The following SEMA3D variants were observed in gnomAD, a reference collection of about 807,000 sequenced individuals.
SEMA3D encodes the protein semaphorin 3D.
Under a neutral mutation model 100.1 loss-of-function variants are expected in SEMA3D, and 84 were observed. The observed-to-expected ratio is 0.84, with a 90% confidence interval of 0.70 to 1.01. The LOEUF (loss-of-function observed/expected upper bound fraction) is 1.01, where lower values mean the gene tolerates loss of function less well. Among genes scored for constraint, SEMA3D ranks in the 50% least tolerant of loss-of-function variants. The pLI is 0.00. For missense variants in SEMA3D, 875 were observed against 934.1 expected (o/e 0.94, Z 0.82); for synonymous variants, 312 against 320.7 (o/e 0.97, Z 0.29).
intron 1 of SEMA3D, among the ~76,000 whole-genome samples, chr7:85,178,354 A>C (rs1326308484): frequency 6.6e-6 from 1 of 152,216 alleles, no homozygotes; most frequent in African/African-American, 2.4e-5. Context: ...AAGATGTGAG[A>C]AAGTCTGAAA....
chr7:85,054,919 G>T (rs1187288361), intron 9 of SEMA3D, among the ~76,000 whole-genome samples: 2 of 152,016 alleles, frequency 1.3e-5, no homozygotes, highest in Non-Finnish European at 2.9e-5. Flanking sequence ...ATTCCATAAA[G>T]CTTGTATTCA....
chr7:85,131,337 G>T (rs1021603200), intron 2 of SEMA3D, among the ~76,000 whole-genome samples: 1 of 151,992 alleles, frequency 6.6e-6, no homozygotes, highest in Non-Finnish European at 1.5e-5. Flanking sequence ...AGTTTAAACG[G>T]GGAGAATGAA....
At position 85,098,034 on chromosome 7, in the gene SEMA3D, G is replaced by A. The variant is rs184522153; in HGVS notation, c.152-69C>T. The stretch of plus-strand genomic sequence containing the variant: ...AAGAAAGAAAGAGAAAGAAAGGAGA[G>A]AAAGAAGAAAGAAAAAGAAAGGAAA... On this transcript the variant is annotated intron_variant, in intron 3 of 18. Transcript: ENST00000284136. 2.6e-3 allele frequency: 1,971 copies of A among 761,434 alleles called. 6 individuals carry two copies. The highest frequency in any genetic ancestry group is 6.9e-3 in the Middle Eastern group (18 of 2,616). 47.2% of individuals were successfully genotyped at this position (761,434 alleles called of 1,614,324 possible).
chr7:85,131,468 G>A (rs1048132744), intron 2 of SEMA3D, among the ~76,000 whole-genome samples: 3 of 151,842 alleles, frequency 2.0e-5, no homozygotes, highest in Non-Finnish European at 4.4e-5. Flanking sequence ...CTAAATACCC[G>A]ATCAACAATA....
chr7:85,171,337 G>T (rs1323629449), intron 1 of SEMA3D, among the ~76,000 whole-genome samples: 1 of 152,000 alleles, frequency 6.6e-6, no homozygotes, highest in Non-Finnish European at 1.5e-5. Flanking sequence ...AAAGTCTATA[G>T]AGAGAAAAAG....
At chr7:85,066,521 G>A (rs766539844) in intron 7 of SEMA3D, among the ~76,000 whole-genome samples, 8 of 151,918 alleles carry the variant, frequency 5.3e-5, no homozygotes, top group Admixed American at 3.3e-4. Context: ...GGGGTGGGGC[G>A]GAGGGGCAGG....
chr7:85,003,171 G>T (rs143974010), intron 18 of SEMA3D, among the ~76,000 whole-genome samples: 211 of 152,100 alleles, frequency 1.4e-3, no homozygotes, highest in African/African-American at 4.8e-3. Flanking sequence ...AAAATGAACT[G>T]GAATGGAATC....
upstream of SEMA3D, among the ~76,000 whole-genome samples, chr7:85,187,537 C>A (rs2116596712): frequency 6.6e-6 from 1 of 152,278 alleles, no homozygotes; most frequent in East Asian, 1.9e-4. Flanking sequence ...CGATTAAGAC[C>A]AAACAGGGAG....
At chr7:85,154,847 C>A (rs1427814491) in intron 1 of SEMA3D, among the ~76,000 whole-genome samples, 1 of 151,998 alleles carries the variant, frequency 6.6e-6, no homozygotes, top group Non-Finnish European at 1.5e-5. Context: ...AAGAGTAAAA[C>A]CTTTTTACAA....
chr7:85,018,172 T>C (rs1156337421), intron 15 of SEMA3D, 80 bp downstream of exon 15: 2 of 869,860 alleles, frequency 2.3e-6, no homozygotes, highest in East Asian at 2.5e-5. Flanking sequence ...CCAATTTCAA[T>C]GGATTTTTTT....
chr7:85,240,694 T>C, the SEMA3D span, among the ~76,000 whole-genome samples: 3,959 of 152,284 alleles, frequency 0.026, 184 homozygotes, highest in African/African-American at 0.091. Flanking sequence ...TTAATATCTA[T>C]ATCTTCTTAT....
In SEMA3D at chr7:85,036,971, T is replaced by C. The variant is rs988907233; in HGVS notation, c.1109A>G (p.Asn370Ser). Reference sequence around the variant, plus strand: ...ACTTTCCTTATGAGCATATGGACCATTAAAAACTGCTCTGATGTCAGCCAT... The same window carrying C: ...ACTTTCCTTATGAGCATATGGACCACTAAAAACTGCTCTGATGTCAGCCAT... ...YSMADIRAVFNGPYAHKESAD... is the reference protein window; with the variant it reads ...YSMADIRAVFSGPYAHKESAD... Residue 370 changes from asparagine to serine, a missense_variant, in exon 12 of 19, where the codon AAT (asparagine) becomes AGT (serine). Coordinates refer to ENST00000284136, the MANE Select transcript of SEMA3D (RefSeq NM_001384900.1). The C allele has an allele frequency of 6.2e-7, 1 of 1,613,518 alleles. No individual in the cohort carries two copies.
At chr7:85,045,990 G>A (rs1038764574) in intron 9 of SEMA3D, among the ~76,000 whole-genome samples, 1 of 151,654 alleles carries the variant, frequency 6.6e-6, no homozygotes, top group Non-Finnish European at 1.5e-5. Flanking sequence ...TATTTTGAGA[G>A]GATCAGCAGT....
At chr7:85,094,838 G>A (rs1788503751) in intron 4 of SEMA3D, among the ~76,000 whole-genome samples, 1 of 151,800 alleles carries the variant, frequency 6.6e-6, no homozygotes, top group Admixed American at 6.6e-5. Flanking sequence ...GTTAAGCTTC[G>A]GGATAGTTAA....
chr7:85,202,523 G>A, the SEMA3D span, among the ~76,000 whole-genome samples: 7 of 151,940 alleles, frequency 4.6e-5, no homozygotes, highest in South Asian at 2.1e-4. Context: ...CTTCTGCACC[G>A]CAAAAGAAAC....
intron 17 of SEMA3D, among the ~76,000 whole-genome samples, chr7:85,012,099 T>G (rs988452176): frequency 6.6e-6 from 1 of 151,682 alleles, no homozygotes; most frequent in Non-Finnish European, 1.5e-5. Context: ...TCCTCTCTTT[T>G]CCCCCACACT....
chr7:85,134,194 G>T (rs1789798256), intron 2 of SEMA3D, among the ~76,000 whole-genome samples: 2 of 151,898 alleles, frequency 1.3e-5, no homozygotes, highest in African/African-American at 2.4e-5. Context: ...ATTGGATGTG[G>T]AAATTGTTAG....
chr7:85,198,728 A>G, the SEMA3D span, among the ~76,000 whole-genome samples: 1 of 149,960 alleles, frequency 6.7e-6, no homozygotes, highest in Non-Finnish European at 1.5e-5. Context: ...TTATCTAATA[A>G]TTATTTTAAT....
intron 11 of SEMA3D, among the ~76,000 whole-genome samples, 173 bp downstream of exon 11, chr7:85,040,500 T>A (rs565917504): frequency 1.3e-5 from 2 of 151,988 alleles, no homozygotes; most frequent in African/African-American, 4.8e-5. Flanking sequence ...AAAAAAAGAA[T>A]TTTTTACACT....
Sources: gnomAD v4.1 joint callset for allele counts (sites outside exome capture counted in the v4.1 genomes callset) on GRCh38, gnomAD v4.1.1 for gene constraint, MANE v1.5 for transcripts, NCBI Gene and HGNC (gene_info 2026-07-23, HGNC 2026-07-21) for gene names.